Variants in AQR observed in about 807,000 individuals in gnomAD.
The protein encoded by AQR is aquarius intron-binding spliceosomal factor.
A neutral mutation model predicts 180.5 loss-of-function variants in AQR; 61 were observed. The ratio of observed to expected loss-of-function variants is 0.34; its 90% confidence interval spans 0.28 to 0.42. AQR has a LOEUF of 0.42. AQR is among the 10% of genes least tolerant of loss of function. The probability of loss-of-function intolerance (pLI) is 1.00; values close to 1 mark genes in which losing one functional copy is unlikely to be tolerated. For missense variants in AQR, 1,281 were observed against 1,798.3 expected, an observed-to-expected ratio of 0.71 and a Z score of 5.20; for synonymous variants, 551 against 588.8, an observed-to-expected ratio of 0.94 and a Z score of 0.93.
chr15:34,860,986 G>T (rs548153872), intron 33 of AQR, among the ~76,000 whole-genome samples: 40 of 152,146 alleles, frequency 2.6e-4, no homozygotes, highest in African/African-American at 7.0e-4. Flanking sequence ...TACAGAATTT[G>T]CACTTCTTTT....
chr15:34,900,965 T>C lies in AQR; in HGVS notation c.2002-102A>G. Reference sequence around the variant, plus strand: ...GCTGCACTAATCCAGAATTCCCGAGTGTTTCAGAGCAAGAAGCTATTTTCC... The same window carrying C: ...GCTGCACTAATCCAGAATTCCCGAGCGTTTCAGAGCAAGAAGCTATTTTCC... On this transcript the variant is annotated intron_variant, in intron 19 of 34. Transcript: ENST00000156471. 6 of 1,442,052 alleles carry C rather than the reference T, an allele frequency of 4.2e-6. No homozygotes were observed. The South Asian group carries it at 4.5e-5, about 11-fold the overall frequency. The allele number at this position is 1,442,052 out of a possible 1,614,324, so 89.3% of individuals were successfully genotyped here.
At chr15:34,944,538 A>G in intron 5 of AQR, 110 bp from the exon 6 acceptor site, 1 of 1,110,370 alleles carries the variant, frequency 9.0e-7, no homozygotes, top group Non-Finnish European at 1.2e-6. Flanking sequence ...ATAATTACAA[A>G]AGGGTTATTT....
At chr15:34,913,328 G>A (rs928997849) in intron 16 of AQR, among the ~76,000 whole-genome samples, 5 of 152,114 alleles carry the variant, frequency 3.3e-5, no homozygotes, top group Non-Finnish European at 5.9e-5. Context: ...GCTGGTTAGT[G>A]GGCTTCAGCA....
At chr15:34,888,969 A>G (rs111891655) in intron 24 of AQR, among the ~76,000 whole-genome samples, 4 of 152,394 alleles carry the variant, frequency 2.6e-5, no homozygotes, top group African/African-American at 9.6e-5. Context: ...ATTTAAAAGT[A>G]CATTTTTTCT....
chr15:34,924,667 G>C (rs1475995558), intron 13 of AQR, among the ~76,000 whole-genome samples: 1 of 152,120 alleles, frequency 6.6e-6, no homozygotes, highest in East Asian at 1.9e-4. Flanking sequence ...CTGACCTCAG[G>C]TGATCCGCCC....
chr15:34,921,993 G>C lies in AQR; in HGVS notation c.1119-1559C>G, dbSNP rs180830241. ...ACTCGGCTAAATTTTTGTATTTTTG[G>C]TAGAGACGAGGTTTCACCATGTTGC... On this transcript the variant is annotated intron_variant, in intron 13 of 34. Coordinates refer to ENST00000156471, the MANE Select transcript of AQR (RefSeq NM_014691.3). Among the ~76,000 whole-genome samples, 10 of 152,224 alleles carry C rather than the reference G, an allele frequency of 6.6e-5. No homozygotes were observed. The East Asian group carries it at 1.9e-3, about 29-fold the overall frequency.
intron 31 of AQR, chr15:34,869,590 TTGAG>T (rs1237183547): frequency 6.6e-6 from 1 of 152,186 alleles, no homozygotes; most frequent in African/African-American, 2.4e-5. Context: ...TCCTTATTAT[TTGAG>T]TAAGATTTTC....
At chr15:34,944,138 T>C in intron 6 of AQR, 150 bp downstream of exon 6, 2 of 645,816 alleles carry the variant, frequency 3.1e-6, no homozygotes, top group East Asian at 3.1e-5. Flanking sequence ...ATGGTTTTAC[T>C]GATAAGTGGC....
At chr15:34,922,221 G>A (rs1893694261) in intron 13 of AQR, among the ~76,000 whole-genome samples, 1 of 152,178 alleles carries the variant, frequency 6.6e-6, no homozygotes, top group African/African-American at 2.4e-5. Flanking sequence ...TTACGTTGCT[G>A]AGCAGTATTT....
intron 3 of AQR, among the ~76,000 whole-genome samples, chr15:34,957,773 A>C (rs1453414094): frequency 6.7e-6 from 1 of 150,352 alleles, no homozygotes; most frequent in Non-Finnish European, 1.5e-5. Flanking sequence ...ACATGAAAAA[A>C]CATAAAACAT....
At chr15:34,967,718 G>A (rs1338945529) in intron 1 of AQR, among the ~76,000 whole-genome samples, 2 of 152,186 alleles carry the variant, frequency 1.3e-5, no homozygotes, top group Non-Finnish European at 2.9e-5. Context: ...AGGAAAAAGA[G>A]GAAACTGAAG....
chr15:34,879,309 T>A (rs1200158698), intron 27 of AQR, among the ~76,000 whole-genome samples: 2 of 152,212 alleles, frequency 1.3e-5, no homozygotes, highest in Admixed American at 6.5e-5. Context: ...TGAAACTGGC[T>A]GGAACCAATA....
At chr15:34,878,891 G>C (rs527272079) in intron 27 of AQR, among the ~76,000 whole-genome samples, 1 of 152,168 alleles carries the variant, frequency 6.6e-6, no homozygotes, top group East Asian at 1.9e-4. Flanking sequence ...AGCTGGGCCT[G>C]GTGGCGGGTG....
Position 34,875,936 on chromosome 15 carries a change from T to G in AQR, c.3236A>C (p.Gln1079Pro), listed in dbSNP as rs1892884129. 1 of 1,604,612 alleles carries G rather than the reference T, an allele frequency of 6.2e-7. No individual in the cohort carries two copies. Among genetic ancestry groups the G allele is most frequent in the Non-Finnish European group, 8.5e-7 (1 of 1,171,982 alleles). ...EIETFIPLLL[Q>P]NPQDGFSRLK... ...TGCCTCAGATCTTATATTTCTTACC[T>G]GTAGAAGAAGAGGGATAAAAGTTTC... The change falls in exon 28 of 35, where the codon CAG (glutamine) becomes CCG (proline). Residue 1079 changes from glutamine (Q) to proline (P), a missense_variant and splice_region_variant. This residue lies in a region of AQR where 197 missense variants were observed against 320.7 expected (regional missense o/e 0.61). Coordinates refer to ENST00000156471, the MANE Select transcript of AQR (RefSeq NM_014691.3).
Position 34,867,569 on chromosome 15 carries a change from T to C in AQR, c.3809A>G (p.Tyr1270Cys), listed in dbSNP as rs1566978833. ...GGTTCGTACCAGAGAAAGAAGAATA[T>C]AGTCATTCTGTTGACCTTGAAATCT... ...VDRFQGQQNDYILLSLVRTRA... is the reference protein window; with the variant it reads ...VDRFQGQQNDCILLSLVRTRA... The change falls in exon 32 of 35, where the codon TAT becomes TGT. Residue 1270 changes from tyrosine (Y) to cysteine (C), a missense_variant. By Grantham distance (194) the Tyr-to-Cys change is radical (BLOSUM62 -2). Coordinates refer to ENST00000156471, the MANE Select transcript of AQR (RefSeq NM_014691.3). 6.2e-7 allele frequency: 1 copy of C among 1,611,772 alleles called. No individual in the cohort carries two copies. The highest frequency in any genetic ancestry group is 8.5e-7 in the Non-Finnish European group (1 of 1,179,158).
At chr15:34,931,709 G>A (rs1893863456) in intron 11 of AQR, among the ~76,000 whole-genome samples, 1 of 152,186 alleles carries the variant, frequency 6.6e-6, no homozygotes, top group Non-Finnish European at 1.5e-5. Flanking sequence ...TGGGGAGACT[G>A]AGGCAGGAGA....
At chr15:34,931,131 C>A (rs985942424) in intron 11 of AQR, among the ~76,000 whole-genome samples, 2 of 152,084 alleles carry the variant, frequency 1.3e-5, no homozygotes, top group Admixed American at 6.5e-5. Flanking sequence ...CCACCGCGCC[C>A]GGCTGTGCTG....
intron 5 of AQR, among the ~76,000 whole-genome samples, chr15:34,945,489 T>A (rs1894096848): frequency 6.6e-6 from 1 of 152,224 alleles, no homozygotes; most frequent in Admixed American, 6.5e-5. Context: ...CATTTCTCTA[T>A]TTCAAGGCCT....
Position 34,918,333 on chromosome 15 carries a change from G to A in AQR, c.1267C>T (p.Gln423Ter). Residue 423 changes from glutamine (Q) to a stop codon, truncating the protein, a stop_gained, in exon 15 of 35, where the codon CAG (glutamine) becomes TAG (stop). Coordinates refer to ENST00000156471, the MANE Select transcript of AQR (RefSeq NM_014691.3). LOFTEE classifies it high-confidence loss of function. ...TTCTCAGTTGGATACAAAGGCATCT[G>A]GTTCAACTGCTGAATCTGAGAAATT... Reference protein sequence around the residue: ...RRISQIQQLNQMPLYPTEKII... With the variant: ...RRISQIQQLN 1 of 1,613,606 alleles carries A rather than the reference G, an allele frequency of 6.2e-7. No homozygotes were observed.
Sources: allele counts gnomAD v4.1 joint callset (sites outside exome capture counted in the v4.1 genomes callset), GRCh38; gene constraint gnomAD v4.1.1; regional missense constraint gnomAD v4.1.1; transcripts MANE v1.5; gene names NCBI Gene and HGNC (gene_info 2026-07-23, HGNC 2026-07-21).